SPEF2: variants seen among roughly 807,000 people sequenced by gnomAD.
The protein encoded by SPEF2 is sperm flagellar and cilia associated 2.
In SPEF2, 187 loss-of-function variants were observed where a neutral mutation model predicts 224.6. The observed-to-expected ratio is 0.83, with a 90% CI of 0.74 to 0.94. The LOEUF is 0.94. SPEF2 is among the 40% of genes least tolerant of loss of function. The pLI is 0.00. For missense variants in SPEF2, 2,170 were observed against 2,135.6 expected, an observed-to-expected ratio of 1.02 and a Z score of -0.32; for synonymous variants, 715 against 707.3, an observed-to-expected ratio of 1.01 and a Z score of -0.17.
chr5:35,673,443 A>C (rs1751463099), intron 10 of SPEF2, among the ~76,000 whole-genome samples: 1 of 152,218 alleles, frequency 6.6e-6, no homozygotes, highest in Non-Finnish European at 1.5e-5. Context: ...GAGTTACTAA[A>C]ATTTAGTGTT....
chr5:35,685,810 T>G (rs1753524848), intron 10 of SPEF2, among the ~76,000 whole-genome samples: 1 of 147,764 alleles, frequency 6.8e-6, no homozygotes, highest in African/African-American at 2.5e-5. Flanking sequence ...CTCCAGAAAA[T>G]GGTTAGGAAA....
intron 20 of SPEF2, among the ~76,000 whole-genome samples, chr5:35,713,919 A>G (rs1741860678): frequency 2.3e-5 from 2 of 86,754 alleles, no homozygotes; most frequent in African/African-American, 9.0e-5. Flanking sequence ...TATATATTTT[A>G]TATATAGTAT....
intron 4 of SPEF2, 37 bp from the exon 5 acceptor site, chr5:35,646,630 T>C: frequency 6.3e-7 from 1 of 1,595,212 alleles, no homozygotes; most frequent in Non-Finnish European, 8.5e-7. Flanking sequence ...TATTCTGTTA[T>C]TCTGAATCAC....
In SPEF2 at chr5:35,753,607, C is replaced by T; in HGVS notation, c.3331-17C>T. Reference sequence around the variant, plus strand: ...GCAATCTAAAGCATAGCCACCATGCCTGTTTTTTCTGTTCAGGATCTGCGA... The same window carrying T: ...GCAATCTAAAGCATAGCCACCATGCTTGTTTTTTCTGTTCAGGATCTGCGA... On this transcript the variant is annotated splice_polypyrimidine_tract_variant and intron_variant, in intron 23 of 36. Transcript: ENST00000356031. 6.2e-7 allele frequency: 1 copy of T among 1,613,744 alleles called. No homozygotes were observed. Among genetic ancestry groups the T allele is most frequent in the Non-Finnish European group, 8.5e-7 (1 of 1,179,986 alleles).
chr5:35,771,466 T>A, intron 26 of SPEF2, 143 bp from the exon 27 acceptor site: 1 of 1,000,166 alleles, frequency 1.0e-6, no homozygotes, highest in Non-Finnish European at 1.4e-6. Flanking sequence ...CATGGTGGGG[T>A]GTGTTTTGTA....
At chr5:35,773,164 G>A (rs1041719440) in intron 27 of SPEF2, among the ~76,000 whole-genome samples, 8 of 152,122 alleles carry the variant, frequency 5.3e-5, no homozygotes, top group Non-Finnish European at 1.2e-4. Context: ...GACTGCTTGA[G>A]CCCAGGAGTT....
chr5:35,674,375 TTTA>T (rs745892368), intron 10 of SPEF2, among the ~76,000 whole-genome samples: 86 of 148,894 alleles, frequency 5.8e-4, no homozygotes, highest in Middle Eastern at 3.5e-3. Context: ...CCAAATTCTT[TTTA>T]TTATTATTAT....
chr5:35,647,644 T>C (rs1244115806), intron 5 of SPEF2, among the ~76,000 whole-genome samples: 1 of 152,038 alleles, frequency 6.6e-6, no homozygotes, highest in Non-Finnish European at 1.5e-5. Flanking sequence ...TCAGGGACAA[T>C]CATCCAAACC....
At chr5:35,694,241 A>G in intron 12 of SPEF2, 47 bp from the exon 13 acceptor site, 9 of 1,448,664 alleles carry the variant, frequency 6.2e-6, no homozygotes, top group Non-Finnish European at 8.7e-6. Flanking sequence ...GATTATTAAA[A>G]TATAGCAATG....
rs904094909 is a variant in SPEF2 at position 35,697,761 on chromosome 5, G to C, written c.2109G>C (p.Val703=). Residue 703 remains valine (V), a synonymous_variant, in exon 15 of 37, where the codon GTG becomes GTC. Transcript: ENST00000356031. ...LLKKGKSIPD[V]LLVDIIVNAI... Reference sequence around the variant, plus strand: ...AGAAAGGAAAGAGCATTCCTGATGTGCTGCTTGTTGACATCATAGTAAATG... The same window carrying C: ...AGAAAGGAAAGAGCATTCCTGATGTCCTGCTTGTTGACATCATAGTAAATG... 2 of 1,613,104 alleles carry C rather than the reference G, an allele frequency of 1.2e-6. No homozygotes were observed. Among genetic ancestry groups the C allele is most frequent in the Non-Finnish European group, 1.7e-6 (2 of 1,179,508 alleles).
At chr5:35,628,397 A>G in intron 1 of SPEF2, 63 bp from the exon 2 acceptor site, 1 of 1,038,130 alleles carries the variant, frequency 9.6e-7, no homozygotes, top group East Asian at 2.4e-5. Context: ...ATATTTAAAG[A>G]GATCATTAGC....
At chr5:35,796,776 C>T (rs1307801699) in intron 33 of SPEF2, among the ~76,000 whole-genome samples, 3 of 152,144 alleles carry the variant, frequency 2.0e-5, no homozygotes, top group African/African-American at 4.8e-5. Context: ...ATTCCAGTTG[C>T]AGCCTTAAAT....
chr5:35,663,686 G>A (rs1344298296), intron 8 of SPEF2, among the ~76,000 whole-genome samples: 1 of 152,080 alleles, frequency 6.6e-6, no homozygotes, highest in East Asian at 1.9e-4. Flanking sequence ...ATGAATTGGT[G>A]ACCAAAAACT....
At chr5:35,695,674 C>T in intron 13 of SPEF2, 61 bp from the exon 14 acceptor site, 2 of 1,362,212 alleles carry the variant, frequency 1.5e-6, no homozygotes, top group South Asian at 2.6e-5. Context: ...TGGTCAAATA[C>T]TGCTTTGGTT....
intron 10 of SPEF2, among the ~76,000 whole-genome samples, chr5:35,677,634 G>A (rs1283604758): frequency 6.6e-6 from 1 of 152,192 alleles, no homozygotes; most frequent in Admixed American, 6.5e-5. Flanking sequence ...AATGGAACAA[G>A]GAGTAGGAAC....
intron 21 of SPEF2, among the ~76,000 whole-genome samples, chr5:35,734,576 TG>T (rs929713366): frequency 6.6e-6 from 1 of 152,214 alleles, no homozygotes; most frequent in Non-Finnish European, 1.5e-5. Flanking sequence ...TGGACAAGCT[TG>T]CCCTAAATCT....
At chr5:35,776,511 T>C in intron 29 of SPEF2, 116 bp downstream of exon 29, 1 of 1,150,664 alleles carries the variant, frequency 8.7e-7, no homozygotes, top group Non-Finnish European at 1.2e-6. Context: ...AATTTTGGCC[T>C]TTTAGGAAAT....
chr5:35,779,088 G>A (rs771478514), intron 29 of SPEF2, 29 bp from the exon 30 acceptor site: 79 of 1,545,884 alleles, frequency 5.1e-5, no homozygotes, highest in Non-Finnish European at 6.7e-5. Context: ...CTTTCATGGG[G>A]TTAACGCTAT....
intron 8 of SPEF2, among the ~76,000 whole-genome samples, chr5:35,665,596 ATG>A (rs1202839828): frequency 6.6e-6 from 1 of 152,028 alleles, no homozygotes; most frequent in African/African-American, 2.4e-5. Context: ...AAATATTTCC[ATG>A]TGTTTCAGAG....
Sources: gnomAD v4.1 joint callset for allele counts (sites outside exome capture counted in the v4.1 genomes callset) on GRCh38, gnomAD v4.1.1 for gene constraint, MANE v1.5 for transcripts, NCBI Gene and HGNC (gene_info 2026-07-23, HGNC 2026-07-21) for gene names.